EVI5: variants seen among roughly 807,000 people sequenced by gnomAD.
The protein encoded by EVI5 is ecotropic viral integration site 5 protein homolog.
EVI5 carries 73 observed loss-of-function variants against 112.0 expected under a neutral mutation model. The ratio of observed to expected loss-of-function variants is 0.65; its 90% CI spans 0.54 to 0.79. EVI5 has a LOEUF of 0.79. EVI5 is among the 30% of genes least tolerant of loss of function. The pLI is 0.00. For missense variants in EVI5, 900 were observed against 968.8 expected, an observed-to-expected ratio of 0.93 and a Z score of 0.94; for synonymous variants, 305 against 319.9, an observed-to-expected ratio of 0.95 and a Z score of 0.50.
Position 92,670,962 on chromosome 1 carries a change from C to T in EVI5, c.1159-4970G>A, listed in dbSNP as rs1665777071. Among the ~76,000 whole-genome samples the T allele has an allele frequency of 3.3e-5, 5 of 151,942 alleles. No homozygotes were observed. In the South Asian group the frequency reaches 1.0e-3, roughly 32 times the overall value. On this transcript the variant is annotated intron_variant, in intron 10 of 19. Transcript: ENST00000684568. ...TATCTTCCTGACTCCAGTGATTATC[C>T]CCCATTCTTAATGATAAATTTTTCC... is the stretch of plus-strand genomic sequence containing the variant.
At chr1:92,747,155 CAG>C (rs1016961841) in intron 1 of EVI5, among the ~76,000 whole-genome samples, 2 of 151,860 alleles carry the variant, frequency 1.3e-5, no homozygotes, top group African/African-American at 4.8e-5. Context: ...TTTTTTAAAA[CAG>C]TACTGTATAA....
At chr1:92,779,987 T>C (rs1350914551) in intron 1 of EVI5, among the ~76,000 whole-genome samples, 1 of 152,250 alleles carries the variant, frequency 6.6e-6, no homozygotes, top group Non-Finnish European at 1.5e-5. Flanking sequence ...GACCTGGTGA[T>C]ACGATTTGGC....
At chr1:92,676,113 A>G (rs1666710101) in intron 10 of EVI5, among the ~76,000 whole-genome samples, 1 of 151,828 alleles carries the variant, frequency 6.6e-6, no homozygotes, top group African/African-American at 2.4e-5. Flanking sequence ...TTTGATAAGG[A>G]AAAGGTGACA....
At chr1:92,649,299 T>C (rs1473992993) in intron 13 of EVI5, among the ~76,000 whole-genome samples, 2 of 152,236 alleles carry the variant, frequency 1.3e-5, no homozygotes, top group African/African-American at 4.8e-5. Flanking sequence ...AACTTGCAAC[T>C]ATTTTCTACC....
At chr1:92,627,390 T>C (rs1557934623) in intron 14 of EVI5, among the ~76,000 whole-genome samples, 1 of 152,244 alleles carries the variant, frequency 6.6e-6, no homozygotes, top group Non-Finnish European at 1.5e-5. Flanking sequence ...TATACATATA[T>C]ACACCACAGT....
intron 1 of EVI5, among the ~76,000 whole-genome samples, chr1:92,744,520 C>T (rs954805411): frequency 2.6e-5 from 4 of 151,954 alleles, no homozygotes; most frequent in Admixed American, 1.3e-4. Flanking sequence ...TAATGCCTGT[C>T]TTTATCCCTG....
intron 13 of EVI5, among the ~76,000 whole-genome samples, chr1:92,645,914 A>G (rs919144591): frequency 3.3e-5 from 5 of 152,052 alleles, no homozygotes; most frequent in South Asian, 2.1e-4. Context: ...ATTCTCCTTT[A>G]TAAGTCTCAA....
At chr1:92,656,864 G>C (rs1478375947) in intron 13 of EVI5, among the ~76,000 whole-genome samples, 1 of 152,094 alleles carries the variant, frequency 6.6e-6, no homozygotes, top group African/African-American at 2.4e-5. Flanking sequence ...GACTAATAAT[G>C]AGTAGTGCAA....
chr1:92,565,118 C>T (rs1017466608), intron 18 of EVI5, among the ~76,000 whole-genome samples: 2 of 152,194 alleles, frequency 1.3e-5, no homozygotes, highest in African/African-American at 4.8e-5. Context: ...TACTGAGTAA[C>T]TCCTGATACC....
At chr1:92,699,688 T>C (rs937158586) in intron 5 of EVI5, among the ~76,000 whole-genome samples, 5 of 152,198 alleles carry the variant, frequency 3.3e-5, no homozygotes, top group Non-Finnish European at 4.4e-5. Flanking sequence ...CAAACCTGTA[T>C]AGTATGTTAC....
intron 16 of EVI5, among the ~76,000 whole-genome samples, chr1:92,620,655 T>A (rs1654341060): frequency 6.6e-6 from 1 of 152,124 alleles, no homozygotes; most frequent in Non-Finnish European, 1.5e-5. Flanking sequence ...AAGGCAGAAT[T>A]CAATATCCTG....
At chr1:92,582,640 G>C (rs1672125523) in intron 18 of EVI5, among the ~76,000 whole-genome samples, 1 of 152,102 alleles carries the variant, frequency 6.6e-6, no homozygotes, top group African/African-American at 2.4e-5. Context: ...CAGAGAAATG[G>C]GCAGGAGCCA....
At chr1:92,564,140 C>T (rs1472899836) in intron 18 of EVI5, among the ~76,000 whole-genome samples, 2 of 151,994 alleles carry the variant, frequency 1.3e-5, no homozygotes, top group Admixed American at 6.6e-5. Flanking sequence ...TCAGGCTGGT[C>T]TCAAACTTCT....
At chr1:92,783,784 T>G (rs1332964221) in intron 1 of EVI5, among the ~76,000 whole-genome samples, 1 of 131,134 alleles carries the variant, frequency 7.6e-6, no homozygotes, top group Non-Finnish European at 1.5e-5. Flanking sequence ...CACTCCAGTC[T>G]GGCGACAGAG....
At chr1:92,671,659 T>C (rs1280039035) in intron 10 of EVI5, among the ~76,000 whole-genome samples, 1 of 152,138 alleles carries the variant, frequency 6.6e-6, no homozygotes, top group Non-Finnish European at 1.5e-5. Flanking sequence ...CCATCTCAGG[T>C]AATGGGAACA....
At chr1:92,581,009 T>C (rs1156578764) in intron 18 of EVI5, among the ~76,000 whole-genome samples, 1 of 152,218 alleles carries the variant, frequency 6.6e-6, no homozygotes, top group Non-Finnish European at 1.5e-5. Context: ...TTCTTTCTGC[T>C]AAATAATAAT....
chr1:92,554,402 C>G (rs1571502330), intron 19 of EVI5, among the ~76,000 whole-genome samples: 1 of 152,200 alleles, frequency 6.6e-6, no homozygotes, highest in East Asian at 1.9e-4. Context: ...TACGAACTAG[C>G]TTTGTAACTT....
At chr1:92,635,701 C>T (rs948624060) in intron 14 of EVI5, among the ~76,000 whole-genome samples, 5 of 152,126 alleles carry the variant, frequency 3.3e-5, no homozygotes, top group African/African-American at 7.2e-5. Context: ...GCACCTGGTA[C>T]GGCAGTTGGA....
intron 2 of EVI5, among the ~76,000 whole-genome samples, chr1:92,708,082 C>T (rs920219417): frequency 6.6e-6 from 1 of 152,036 alleles, no homozygotes; most frequent in Admixed American, 6.6e-5. Flanking sequence ...ATCTTCATGA[C>T]TTTGAGTTAG....
Sources: allele counts gnomAD v4.1 joint callset (sites outside exome capture counted in the v4.1 genomes callset), GRCh38; gene constraint gnomAD v4.1.1; transcripts MANE v1.5; gene names NCBI Gene and HGNC (gene_info 2026-07-23, HGNC 2026-07-21).